The following NEK5 variants were observed in gnomAD, a reference collection of about 807,000 sequenced individuals.
NEK5 encodes NIMA related kinase 5, also known as serine/threonine-protein kinase Nek5.
In NEK5, 88 loss-of-function variants were observed where a neutral mutation model predicts 109.2. The ratio of observed to expected loss-of-function variants is 0.81; its 90% CI spans 0.68 to 0.96. NEK5 has a LOEUF of 0.96. NEK5 is among the 40% of genes least tolerant of loss of function. The probability of loss-of-function intolerance (pLI) is 0.00; values close to 1 mark genes in which losing one functional copy is unlikely to be tolerated. For synonymous variants in NEK5, 283 were observed against 299.9 expected, an observed-to-expected ratio of 0.94 and a Z score of 0.58; for missense variants, 834 against 920.7, an observed-to-expected ratio of 0.91 and a Z score of 1.22.
chr13:52,094,656 G>A (rs1172648157), intron 12 of NEK5, among the ~76,000 whole-genome samples: 1 of 152,056 alleles, frequency 6.6e-6, no homozygotes, highest in African/African-American at 2.4e-5. Context: ...GCGTGATGGC[G>A]GGTGCCTATA....
At chr13:52,104,183 C>T (rs1229425734) in intron 9 of NEK5, among the ~76,000 whole-genome samples, 1 of 151,798 alleles carries the variant, frequency 6.6e-6, no homozygotes, top group Non-Finnish European at 1.5e-5. Flanking sequence ...GGTTGGTCTC[C>T]AACTCCTGAC....
intron 23 of NEK5, among the ~76,000 whole-genome samples, chr13:52,037,871 C>T (rs1954376389): frequency 6.6e-6 from 1 of 151,066 alleles, no homozygotes; most frequent in East Asian, 2.0e-4. Flanking sequence ...TGCAGTGAGC[C>T]GAGATCGCGC....
intron 17 of NEK5, among the ~76,000 whole-genome samples, chr13:52,082,553 T>C (rs187691626): frequency 9.2e-5 from 14 of 152,334 alleles, no homozygotes; most frequent in Admixed American, 3.9e-4. Flanking sequence ...TGTATTATAA[T>C]TGCATTATCT....
intron 16 of NEK5, among the ~76,000 whole-genome samples, chr13:52,083,764 CCGACCT>C (rs894082425): frequency 1.3e-4 from 20 of 152,266 alleles, no homozygotes; most frequent in Admixed American, 1.2e-3. Flanking sequence ...TCTCGATCTC[CCGACCT>C]CGTGATCCGC....
intron 22 of NEK5, among the ~76,000 whole-genome samples, chr13:52,054,193 C>T (rs976633730): frequency 1.6e-4 from 24 of 152,274 alleles, no homozygotes; most frequent in Non-Finnish European, 1.6e-4. Flanking sequence ...TGGTGACTGC[C>T]TAACATTCAC....
At chr13:52,104,742 T>C (rs1443064904) in intron 8 of NEK5, among the ~76,000 whole-genome samples, 190 bp from the exon 9 acceptor site, 5 of 152,214 alleles carry the variant, frequency 3.3e-5, no homozygotes, top group East Asian at 1.9e-4. Context: ...CATTTGTAGT[T>C]TGTCAGATTT....
In NEK5 at chr13:52,086,185, T is replaced by C. The variant is rs1955138533; in HGVS notation, c.1479+92A>G. 6 of 881,968 alleles carry C rather than the reference T, an allele frequency of 6.8e-6. No individual in the cohort carries two copies. In the Admixed American group the frequency reaches 1.2e-4, roughly 18 times the overall value. The allele number at this position is 881,968 out of a possible 1,614,324, so 54.6% of individuals were successfully genotyped here. A position where few individuals can be genotyped will look rare whatever the true frequency, so the allele number is the denominator to read the frequency against. ...TTATCTCTATGATAAAACTTTATCT[T>C]TTCTATAAGGAAATCATTACTTTTA... On this transcript the variant is annotated intron_variant, in intron 16 of 23. Transcript: ENST00000684899.
chr13:52,081,813 A>C (rs1955018775), intron 17 of NEK5, among the ~76,000 whole-genome samples: 1 of 152,130 alleles, frequency 6.6e-6, no homozygotes, highest in African/African-American at 2.4e-5. Flanking sequence ...AAGGCACTGG[A>C]TTTACTCTAA....
intron 7 of NEK5, among the ~76,000 whole-genome samples, chr13:52,108,774 T>G (rs967399809): frequency 6.6e-6 from 1 of 152,228 alleles, no homozygotes; most frequent in South Asian, 2.1e-4. Flanking sequence ...CCCAGAATCT[T>G]AGCACCTAAA....
Position 52,102,244 on chromosome 13 carries a change from G to A in NEK5, c.658C>T (p.His220Tyr). The A allele has an allele frequency of 6.2e-7, 1 of 1,614,152 alleles. No individual in the cohort carries two copies. ...AACCCCGGAGATATTGGGGCAAAATGTGCTTGACAAATCTTCAGAACCAGC... is the reference window on the plus strand; with the variant it reads ...AACCCCGGAGATATTGGGGCAAAATATGCTTGACAAATCTTCAGAACCAGC... Reference protein sequence around the residue: ...QQLVLKICQAHFAPISPGFSR... With the variant: ...QQLVLKICQAYFAPISPGFSR... Residue 220 changes from histidine (H) to tyrosine (Y), a missense_variant, in exon 10 of 24, where the codon CAT (histidine) becomes TAT (tyrosine). Physicochemically the swap from His to Tyr is moderately conservative, Grantham distance 83. Coordinates refer to ENST00000684899, the MANE Select transcript of NEK5 (RefSeq NM_001365552.1).
At chr13:52,076,221 A>G in intron 17 of NEK5, 78 bp from the exon 18 acceptor site, 1 of 763,962 alleles carries the variant, frequency 1.3e-6, no homozygotes, top group Non-Finnish European at 2.1e-6. Context: ...CTGATGATTG[A>G]TTTAATAACA....
intron 19 of NEK5, among the ~76,000 whole-genome samples, chr13:52,074,203 A>T (rs905350698): frequency 3.9e-5 from 6 of 152,186 alleles, no homozygotes; most frequent in African/African-American, 1.4e-4. Context: ...GAACAACGCC[A>T]GAGTCGTCAC....
At chr13:52,119,939 T>A (rs1328789128) in intron 3 of NEK5, among the ~76,000 whole-genome samples, 1 of 152,216 alleles carries the variant, frequency 6.6e-6, no homozygotes, top group Non-Finnish European at 1.5e-5. Context: ...TTTCTTGTTC[T>A]ACTTTCACCT....
chr13:52,050,430 C>T (rs1051655952), intron 22 of NEK5, among the ~76,000 whole-genome samples: 1 of 152,098 alleles, frequency 6.6e-6, no homozygotes, highest in Non-Finnish European at 1.5e-5. Context: ...AACACCTCCA[C>T]TTTTGGGGTA....
At chr13:52,063,321 A>G (rs1410334387) in intron 21 of NEK5, among the ~76,000 whole-genome samples, 1 of 152,216 alleles carries the variant, frequency 6.6e-6, no homozygotes, top group Non-Finnish European at 1.5e-5. Context: ...GTGATCTGCC[A>G]GCCTCGGCCT....
At chr13:52,079,451 C>T (rs1022567534) in intron 17 of NEK5, among the ~76,000 whole-genome samples, 4 of 152,210 alleles carry the variant, frequency 2.6e-5, no homozygotes, top group Non-Finnish European at 4.4e-5. Flanking sequence ...AGGGGCGCAC[C>T]GCCACGCCTG....
At chr13:52,114,778 C>T (rs1955820522) in intron 4 of NEK5, among the ~76,000 whole-genome samples, 1 of 152,132 alleles carries the variant, frequency 6.6e-6, no homozygotes, top group Non-Finnish European at 1.5e-5. Flanking sequence ...CGGTTATTTT[C>T]AGGAATGTGT....
At chr13:52,090,684 ATC>A (rs1374544027) in intron 13 of NEK5, among the ~76,000 whole-genome samples, 2 of 152,166 alleles carry the variant, frequency 1.3e-5, no homozygotes, top group East Asian at 3.9e-4. Flanking sequence ...GACATTCTCT[ATC>A]TCTCTGTCTA....
intron 3 of NEK5, among the ~76,000 whole-genome samples, chr13:52,120,756 C>T (rs980257453): frequency 1.3e-5 from 2 of 151,760 alleles, no homozygotes; most frequent in African/African-American, 2.4e-5. Flanking sequence ...ACTAAAAACA[C>T]AAAAAATTAG....
Sources: gnomAD v4.1 joint callset for allele counts (sites outside exome capture counted in the v4.1 genomes callset) on GRCh38, gnomAD v4.1.1 for gene constraint, MANE v1.5 for transcripts, NCBI Gene and HGNC (gene_info 2026-07-23, HGNC 2026-07-21) for gene names.